NOL10: variants seen among roughly 807,000 people sequenced by gnomAD.
NOL10 encodes H_NH0074G24.1.
NOL10 carries 58 observed loss-of-function variants against 103.5 expected under a neutral mutation model. That is an observed-to-expected ratio of 0.56 (90% CI 0.45 to 0.70). NOL10 has a LOEUF of 0.70. NOL10 is among the 30% of genes least tolerant of loss of function. The pLI is 0.00. For missense variants in NOL10, 763 were observed against 807.3 expected (o/e 0.95, Z 0.67); for synonymous variants, 287 against 282.5 (o/e 1.02, Z -0.16).
At chr2:10,678,758 T>G (rs2148356763) in intron 3 of NOL10, among the ~76,000 whole-genome samples, 1 of 152,184 alleles carries the variant, frequency 6.6e-6, no homozygotes, top group Non-Finnish European at 1.5e-5. Context: ...AAGAAAAACC[T>G]CTACCAAATT....
chr2:10,634,095 T>G (rs569316618), intron 13 of NOL10, among the ~76,000 whole-genome samples: 28 of 152,192 alleles, frequency 1.8e-4, no homozygotes, highest in Non-Finnish European at 3.2e-4. Context: ...CCCAAAGCAC[T>G]GGTATTACAG....
intron 20 of NOL10, among the ~76,000 whole-genome samples, chr2:10,576,508 T>C (rs551223232): frequency 2.0e-5 from 3 of 152,254 alleles, no homozygotes; most frequent in Admixed American, 1.3e-4. Flanking sequence ...ATACGTACAA[T>C]GGTATATTAT....
chr2:10,689,769 G>T (rs1453007934), intron 1 of NOL10, 27 bp downstream of exon 1: 29 of 1,587,736 alleles, frequency 1.8e-5, no homozygotes, highest in Non-Finnish European at 2.5e-5. Context: ...AAGAGCTCGA[G>T]AGTGAGGGGG....
At chr2:10,671,770 C>G (rs1433071769) in intron 5 of NOL10, 80 bp from the exon 6 acceptor site, 1 of 990,116 alleles carries the variant, frequency 1.0e-6, no homozygotes, top group Non-Finnish European at 1.5e-6. Flanking sequence ...AACTGGCAAA[C>G]CAAGGAAAAC....
At chr2:10,591,483 G>A (rs1304207731) in intron 17 of NOL10, among the ~76,000 whole-genome samples, 3 of 152,102 alleles carry the variant, frequency 2.0e-5, no homozygotes, top group Non-Finnish European at 4.4e-5. Flanking sequence ...ATAGTCTGGC[G>A]ACATAAGAAT....
At chr2:10,680,068 A>G (rs1681624434) in intron 3 of NOL10, among the ~76,000 whole-genome samples, 1 of 151,684 alleles carries the variant, frequency 6.6e-6, no homozygotes. Flanking sequence ...TGAGGCAAGG[A>G]GTTCGAGACC....
At chr2:10,622,377 C>T (rs1677199189) in intron 13 of NOL10, among the ~76,000 whole-genome samples, 1 of 151,636 alleles carries the variant, frequency 6.6e-6, no homozygotes. Flanking sequence ...GACTGCACAG[C>T]ATGTGCACCA....
At chr2:10,672,275 C>G (rs1681001204) in intron 5 of NOL10, among the ~76,000 whole-genome samples, 1 of 151,894 alleles carries the variant, frequency 6.6e-6, no homozygotes, top group Non-Finnish European at 1.5e-5. Flanking sequence ...TGCAGTGAGC[C>G]GAGATTGTGC....
At chr2:10,598,168 G>A (rs1040630479) in intron 17 of NOL10, among the ~76,000 whole-genome samples, 4 of 152,080 alleles carry the variant, frequency 2.6e-5, no homozygotes, top group African/African-American at 7.2e-5. Context: ...ACTCCACAGC[G>A]AGCTCTTTAG....
intron 17 of NOL10, among the ~76,000 whole-genome samples, chr2:10,593,054 G>C (rs533607913): frequency 6.6e-6 from 1 of 152,254 alleles, no homozygotes; most frequent in Admixed American, 6.5e-5. Context: ...CTGTCTACCT[G>C]AGTGGGACGC....
chr2:10,658,006 A>T (rs1168313620), intron 10 of NOL10, 115 bp from the exon 11 acceptor site: 3 of 683,322 alleles, frequency 4.4e-6, no homozygotes, highest in Non-Finnish European at 7.1e-6. Flanking sequence ...GAACACAATG[A>T]ACACCCTTAC....
chr2:10,579,725 T>A (rs1415646644), intron 19 of NOL10, among the ~76,000 whole-genome samples: 1 of 152,126 alleles, frequency 6.6e-6, no homozygotes, highest in East Asian at 1.9e-4. Context: ...AGGGCTGCTG[T>A]GCCTATGGAG....
rs901131131 is a variant in NOL10, at chr2:10,621,210, G to A, written c.1027-13899C>T. Among the ~76,000 whole-genome samples the A allele has an allele frequency of 8.5e-5, 13 of 152,156 alleles. No homozygotes were observed. In the East Asian group the frequency reaches 1.4e-3, roughly 16 times the overall value. On this transcript the variant is annotated intron_variant, in intron 13 of 20. Coordinates refer to ENST00000381685, the MANE Select transcript of NOL10 (RefSeq NM_024894.4). ...ATTTAAAAAAAACCATACACATAAC[G>A]AAATCTTTAAACTCATAAGGAAAAG... is the stretch of plus-strand genomic sequence containing the variant.
At chr2:10,579,456 G>A (rs1177889753) in intron 19 of NOL10, among the ~76,000 whole-genome samples, 1 of 152,068 alleles carries the variant, frequency 6.6e-6, no homozygotes, top group East Asian at 1.9e-4. Flanking sequence ...CAAGTGTCAG[G>A]CCATACTTGA....
In NOL10 at chr2:10,642,065, G is replaced by C. The variant is rs150965696; in HGVS notation, c.1026+2255C>G. On this transcript the variant is annotated intron_variant, in intron 13 of 20. Coordinates refer to ENST00000381685, the MANE Select transcript of NOL10 (RefSeq NM_024894.4). ...GCACTTCTAAGAGGAAGATGAAAGAGACCTTTCTCATGATGAAAAGGTTAG... is the reference window on the plus strand; with the variant it reads ...GCACTTCTAAGAGGAAGATGAAAGACACCTTTCTCATGATGAAAAGGTTAG... Among the ~76,000 whole-genome samples, 745 of 152,296 alleles carry C rather than the reference G, an allele frequency of 4.9e-3. 3 individuals are homozygous for C. The highest frequency in any genetic ancestry group is 0.017 in the African/African-American group (687 of 41,552).
At chr2:10,663,297 G>A (rs886580874) in intron 8 of NOL10, among the ~76,000 whole-genome samples, 8 of 150,738 alleles carry the variant, frequency 5.3e-5, no homozygotes, top group African/African-American at 2.0e-4. Flanking sequence ...AACCCGGGAG[G>A]TGGAGGTTGC....
At chr2:10,672,561 CAAAACTG>C (rs1307686834) in intron 5 of NOL10, among the ~76,000 whole-genome samples, 2 of 152,042 alleles carry the variant, frequency 1.3e-5, no homozygotes, top group East Asian at 3.8e-4. Flanking sequence ...CCATAGTTTC[CAAAACTG>C]AAAATATAAA....
At position 10,646,060 on chromosome 2, in the gene NOL10, T is replaced by G. The variant is rs540510273; in HGVS notation, c.974-1688A>C. ...AAAACAAAGTCAGAGCTGTTTTTCA[T>G]AGCTTGTAACTCTTGTAGAATCTTT... On this transcript the variant is annotated intron_variant, in intron 12 of 20. Transcript: ENST00000381685. Among the ~76,000 whole-genome samples the G allele has an allele frequency of 7.9e-5, 12 of 152,286 alleles. No individual in the cohort carries two copies. The East Asian group carries it at 2.3e-3, about 29-fold the overall frequency.
chr2:10,612,960 C>T (rs988147180), intron 13 of NOL10, among the ~76,000 whole-genome samples: 1 of 149,236 alleles, frequency 6.7e-6, no homozygotes, highest in Non-Finnish European at 1.5e-5. Flanking sequence ...GCCATGATCA[C>T]GCCACTGCAT....
Sources: gnomAD v4.1 joint callset for allele counts (sites outside exome capture counted in the v4.1 genomes callset) on GRCh38, gnomAD v4.1.1 for gene constraint, MANE v1.5 for transcripts, NCBI Gene and HGNC (gene_info 2026-07-23, HGNC 2026-07-21) for gene names.